CMSS1: variants seen among roughly 807,000 people sequenced by gnomAD.
CMSS1 encodes cms1 ribosomal small subunit homolog, also known as protein CMSS1.
A neutral mutation model predicts 43.5 loss-of-function variants in CMSS1; 33 were observed. That is an observed-to-expected ratio of 0.76 (90% CI 0.57 to 1.01). CMSS1 has a LOEUF of 1.01. Among genes scored for constraint, CMSS1 ranks in the 50% least tolerant of loss-of-function variants. CMSS1 has a pLI of 0.00. For synonymous variants in CMSS1, 115 were observed against 117.2 expected, an observed-to-expected ratio of 0.98 and a Z score of 0.12; for missense variants, 313 against 326.4, an observed-to-expected ratio of 0.96 and a Z score of 0.32.
At chr3:99,848,986 G>C (rs377403924) in intron 1 of CMSS1, 2 of 1,614,114 alleles carry the variant, frequency 1.2e-6, no homozygotes, top group African/African-American at 2.7e-5. Flanking sequence ...CTGCCCAGGT[G>C]TGTGGCTTAG....
Position 100,134,942 on chromosome 3 carries a change from C to A in CMSS1, c.65-12031C>A, listed in dbSNP as rs371264090. 7.2e-5 allele frequency among the ~76,000 whole-genome samples: 11 copies of A among 152,300 alleles called. No homozygotes were observed. The East Asian group carries it at 1.4e-3, about 19-fold the overall frequency. On this transcript the variant is annotated intron_variant, in intron 1 of 9. Coordinates refer to ENST00000421999, the MANE Select transcript of CMSS1 (RefSeq NM_032359.4). ...GACTTTGAATCAATATTGTGTAGGT[C>A]TAAATCCTGGCTCTCTTTCTTATTA...
intron 1 of CMSS1, among the ~76,000 whole-genome samples, chr3:100,002,700 G>C (rs780490263): frequency 2.0e-5 from 3 of 152,196 alleles, no homozygotes; most frequent in Non-Finnish European, 4.4e-5. Flanking sequence ...TCATCTAATT[G>C]TACATGTGGA....
At chr3:99,871,688 G>A (rs538264724) in intron 1 of CMSS1, among the ~76,000 whole-genome samples, 1 of 152,246 alleles carries the variant, frequency 6.6e-6, no homozygotes, top group Non-Finnish European at 1.5e-5. Flanking sequence ...CGTCTGAGGA[G>A]TGCAAAATGC....
intron 1 of CMSS1, among the ~76,000 whole-genome samples, chr3:100,112,424 C>G (rs1359309783): frequency 2.6e-5 from 4 of 152,166 alleles, no homozygotes; most frequent in South Asian, 2.1e-4. Context: ...AAGGCACCAT[C>G]ATTTCAATGG....
intron 1 of CMSS1, chr3:100,041,210 C>G (rs1240823259): frequency 7.2e-5 from 11 of 152,090 alleles, no homozygotes; most frequent in Admixed American, 7.2e-4. Context: ...TTCAAACAAG[C>G]TATGGAATCT....
chr3:99,941,351 C>G (rs1257076900), intron 1 of CMSS1, among the ~76,000 whole-genome samples: 1 of 152,140 alleles, frequency 6.6e-6, no homozygotes, highest in Non-Finnish European at 1.5e-5. Flanking sequence ...GTTCAATGCA[C>G]AAAGTGTTTT....
chr3:100,037,596 C>T (rs1050323005), intron 1 of CMSS1, among the ~76,000 whole-genome samples: 3 of 152,126 alleles, frequency 2.0e-5, no homozygotes, highest in Non-Finnish European at 4.4e-5. Flanking sequence ...ATCCTTTTAG[C>T]AATCTTTATG....
At chr3:100,113,666 G>A (rs1185396299) in intron 1 of CMSS1, among the ~76,000 whole-genome samples, 1 of 152,144 alleles carries the variant, frequency 6.6e-6, no homozygotes, top group Non-Finnish European at 1.5e-5. Flanking sequence ...TTTTGACACT[G>A]TATATTGATC....
chr3:100,006,740 A>G (rs1471097151), intron 1 of CMSS1, among the ~76,000 whole-genome samples: 1 of 152,162 alleles, frequency 6.6e-6, no homozygotes, highest in Non-Finnish European at 1.5e-5. Flanking sequence ...TTAGGAAATT[A>G]AAAGTAAGAG....
Position 99,910,485 on chromosome 3 carries a change from CAT to C in CMSS1, c.64+92443_64+92444del, listed in dbSNP as rs769377839. On this transcript the variant is annotated intron_variant, in intron 1 of 9. Coordinates refer to ENST00000421999, the MANE Select transcript of CMSS1 (RefSeq NM_032359.4). The stretch of plus-strand genomic sequence containing the variant: ...TGAGAGCTTTTAAAGTAAACAAACA[CAT>C]GTCTTCACAGTTGTTAGGTGCTAGG... 1.3e-4 allele frequency among the ~76,000 whole-genome samples: 18 copies of C among 136,444 alleles called. 3 individuals carry two copies. The highest frequency in any genetic ancestry group is 8.6e-4 in the Admixed American group (11 of 12,816). 89.5% of individuals were successfully genotyped at this position (136,444 alleles called of 152,430 possible). A position where few individuals can be genotyped will look rare whatever the true frequency, so the allele number is the denominator to read the frequency against.
At chr3:100,109,493 C>T (rs1052625827) in intron 1 of CMSS1, among the ~76,000 whole-genome samples, 1 of 152,148 alleles carries the variant, frequency 6.6e-6, no homozygotes, top group Non-Finnish European at 1.5e-5. Context: ...CTCCCCTCAG[C>T]GTCAGCTGTT....
intron 1 of CMSS1, among the ~76,000 whole-genome samples, chr3:100,014,874 C>CTTTTTTT (rs200759774): frequency 1.4e-4 from 4 of 28,198 alleles, no homozygotes; most frequent in Admixed American, 4.0e-4. Context: ...TTTTTCTTTT[C>CTTTTTTT]TTTTTTTTTT....
intron 1 of CMSS1, among the ~76,000 whole-genome samples, chr3:99,956,256 C>G (rs1439681993): frequency 6.6e-6 from 1 of 152,158 alleles, no homozygotes; most frequent in African/African-American, 2.4e-5. Context: ...GCTTTCCTTC[C>G]TCTGCCCCCA....
chr3:99,821,267 A>G (rs1316760852), intron 1 of CMSS1, among the ~76,000 whole-genome samples: 2 of 152,224 alleles, frequency 1.3e-5, no homozygotes, highest in Non-Finnish European at 2.9e-5. Context: ...ATATGTGTGT[A>G]TGCGTGTTAC....
intron 1 of CMSS1, among the ~76,000 whole-genome samples, chr3:99,893,057 G>T (rs1344721571): frequency 5.3e-5 from 8 of 151,768 alleles, no homozygotes; most frequent in African/African-American, 1.9e-4. Context: ...GATGCTCTGT[G>T]TGTCTGTTCT....
At chr3:99,887,053 C>T (rs1705924704) in intron 1 of CMSS1, among the ~76,000 whole-genome samples, 1 of 151,184 alleles carries the variant, frequency 6.6e-6, no homozygotes, top group Non-Finnish European at 1.5e-5. Flanking sequence ...GGGTGGATCA[C>T]CTGAGATTGG....
At chr3:100,098,436 G>A (rs2066248652) in intron 1 of CMSS1, among the ~76,000 whole-genome samples, 1 of 152,126 alleles carries the variant, frequency 6.6e-6, no homozygotes, top group African/African-American at 2.4e-5. Flanking sequence ...CTACCTCACA[G>A]GATTCTTGAA....
In CMSS1 at chr3:100,181,617, A is replaced by C. The variant is rs2067184781; in HGVS notation, c.*3229A>C. 5 of 152,174 alleles carry C rather than the reference A, an allele frequency of 3.3e-5. No individual in the cohort carries two copies. Among genetic ancestry groups the C allele is most frequent in the Admixed American group, 3.3e-4 (5 of 15,276 alleles). 9.4% of individuals were successfully genotyped at this position (152,174 alleles called of 1,614,324 possible). ...GTTCCTCAGTATTTCCCTGTCTTTC[A>C]TGACCTTCACACTTTTGAACAGTAT... is the stretch of plus-strand genomic sequence containing the variant. On this transcript the variant is annotated 3_prime_UTR_variant, in exon 10 of 10. Transcript: ENST00000421999.
At chr3:100,128,802 G>T (rs796328159) in intron 1 of CMSS1, among the ~76,000 whole-genome samples, 99 of 152,308 alleles carry the variant, frequency 6.5e-4, no homozygotes, top group African/African-American at 2.4e-3. Context: ...TAATGCTTTT[G>T]AGATTAATCC....
Sources: gnomAD v4.1 joint callset for allele counts (sites outside exome capture counted in the v4.1 genomes callset) on GRCh38, gnomAD v4.1.1 for gene constraint, MANE v1.5 for transcripts, NCBI Gene and HGNC (gene_info 2026-07-23, HGNC 2026-07-21) for gene names.